Variants in OR1F1 observed in about 807,000 individuals in gnomAD.
OR1F1 encodes olfactory receptor 1F1.
For synonymous variants in OR1F1, 184 were observed against 156.7 expected (o/e 1.17, Z -1.30); for missense variants, 493 against 376.3 (o/e 1.31, Z -2.57).
chr16:3,198,161 G>GAGAGAGAGAC, the OR1F1 span, among the ~76,000 whole-genome samples: 2 of 140,598 alleles, frequency 1.4e-5, no homozygotes, highest in Non-Finnish European at 3.2e-5. Context: ...GAGAGAGGGA[G>GAGAGAGAGAC]AGAGAGAGAC....
the OR1F1 span, among the ~76,000 whole-genome samples, chr16:3,192,986 G>A: frequency 6.6e-6 from 1 of 152,188 alleles, no homozygotes; most frequent in Non-Finnish European, 1.5e-5. Context: ...GCCCAGGCTG[G>A]AATGCAGTGG....
chr16:3,202,374 G>T (rs974731700), upstream of OR1F1, among the ~76,000 whole-genome samples: 1 of 152,084 alleles, frequency 6.6e-6, no homozygotes, highest in Non-Finnish European at 1.5e-5. Flanking sequence ...AAACACAAAG[G>T]CTTTGCAAGA....
chr16:3,195,450 C>T, the OR1F1 span, among the ~76,000 whole-genome samples: 3 of 151,876 alleles, frequency 2.0e-5, no homozygotes, highest in South Asian at 6.2e-4. Flanking sequence ...AGAGGCAAGG[C>T]CGGGAGATTA....
the OR1F1 span, among the ~76,000 whole-genome samples, chr16:3,193,768 T>G: frequency 9.2e-5 from 14 of 152,194 alleles, no homozygotes; most frequent in Non-Finnish European, 1.9e-4. Context: ...CGGCTAATTT[T>G]AAAATTTTTG....
chr16:3,198,177 G>C, the OR1F1 span, among the ~76,000 whole-genome samples: 2 of 151,518 alleles, frequency 1.3e-5, no homozygotes, highest in South Asian at 4.2e-4. Context: ...GAGACAGAGA[G>C]AGAGATTATA....
chr16:3,189,059 C>T, the OR1F1 span, among the ~76,000 whole-genome samples: 1 of 152,186 alleles, frequency 6.6e-6, no homozygotes, highest in Admixed American at 6.5e-5. Context: ...CAGCGTCAGC[C>T]TTTAGGGTTC....
chr16:3,204,619 G>A lies in OR1F1; in HGVS notation c.373G>A (p.Ala125Thr), dbSNP rs546950482. Residue 125 changes from alanine (A) to threonine (T), a missense_variant, in exon 1 of 1, where the codon GCC becomes ACC. Transcript: ENST00000304646. ...TGTGATGGCCTATGACCACTTTGTC[G>A]CCGTGTGCCACCCCTTACATTACAC... 2.8e-5 allele frequency: 46 copies of A among 1,614,058 alleles called. No individual in the cohort carries two copies. Among genetic ancestry groups the A allele is most frequent in the East Asian group, 1.8e-4 (8 of 44,880 alleles).
chr16:3,199,833 T>C (rs951844601), upstream of OR1F1, among the ~76,000 whole-genome samples: 3 of 151,724 alleles, frequency 2.0e-5, no homozygotes, highest in Non-Finnish European at 4.4e-5. Flanking sequence ...CTGACCAACA[T>C]GGAGAAACCC....
downstream of OR1F1, chr16:3,205,249 C>A: frequency 1.7e-6 from 2 of 1,160,668 alleles, no homozygotes; most frequent in Non-Finnish European, 2.5e-6. Flanking sequence ...GAGTTTAATG[C>A]AGTAGTTGTT....
chr16:3,206,179 G>C (rs1299680476), downstream of OR1F1, among the ~76,000 whole-genome samples: 2 of 152,126 alleles, frequency 1.3e-5, no homozygotes, highest in African/African-American at 4.8e-5. Context: ...AATATGCCCT[G>C]GTCTCCTGCA....
chr16:3,193,633 C>A, the OR1F1 span, among the ~76,000 whole-genome samples: 1 of 151,372 alleles, frequency 6.6e-6, no homozygotes, highest in Non-Finnish European at 1.5e-5. Flanking sequence ...ATCTCACTCC[C>A]GTCGCCCAGG....
the OR1F1 span, among the ~76,000 whole-genome samples, chr16:3,196,211 G>A: frequency 6.6e-6 from 1 of 152,220 alleles, no homozygotes; most frequent in Admixed American, 6.5e-5. Context: ...GTGGGTTTGA[G>A]CCCTGTGTTG....
the OR1F1 span, among the ~76,000 whole-genome samples, chr16:3,196,095 C>G: frequency 6.6e-6 from 1 of 152,242 alleles, no homozygotes. Flanking sequence ...CTGATTCATC[C>G]TCACGTTCAT....
rs146200498 is a variant in OR1F1 at position 3,204,671 on chromosome 16, C to A, written c.425C>A (p.Ala142Asp). Residue 142 changes from alanine to aspartate, a missense_variant, in exon 1 of 1, where the codon GCC becomes GAC. Transcript: ENST00000304646. Reference sequence around the variant, plus strand: ...GCAAAGATGACCCATCAGCTCTGTGCCCTGCTGGTTGCTGGATTATGGGTG... The same window carrying A: ...GCAAAGATGACCCATCAGCTCTGTGACCTGCTGGTTGCTGGATTATGGGTG... The A allele has an allele frequency of 2.0e-5, 33 of 1,614,060 alleles. No homozygotes were observed. The African/African-American group carries it at 2.1e-4, about 10-fold the overall frequency.
At chr16:3,188,823 G>C in the OR1F1 span, among the ~76,000 whole-genome samples, 1 of 152,310 alleles carries the variant, frequency 6.6e-6, no homozygotes. Flanking sequence ...GATGCCCGAC[G>C]CCTGCTGCCC....
rs867836171 is a variant in OR1F1 at position 3,204,833 on chromosome 16, AG to A, written c.589del (p.Val197SerfsTer2). 8 of 1,613,962 alleles carry A rather than the reference AG, an allele frequency of 5.0e-6. No individual in the cohort carries two copies. Among genetic ancestry groups the A allele is most frequent in the African/African-American group, 1.3e-5 (1 of 74,892 alleles). ...TCCTGCTCAGACACACACCTCAATG[AG>A]GTCATAATCCTTAGTGAGGGTGCCC... On this transcript the variant is annotated frameshift_variant, in exon 1 of 1. Transcript: ENST00000304646. LOFTEE classifies it low-confidence loss of function (END_TRUNC).
the OR1F1 span, among the ~76,000 whole-genome samples, chr16:3,194,817 C>T: frequency 1.2e-4 from 19 of 152,156 alleles, no homozygotes; most frequent in African/African-American, 4.6e-4. Context: ...TGATTTAGGT[C>T]TCGCTATGTT....
rs1241339663 is a variant in OR1F1 at position 3,204,482 on chromosome 16, C to T, written c.236C>T (p.Pro79Leu). ...ATCTGCTTCTCCTTCACCACCGTCC[C>T]CAAGATGCTGGCCAATCACATACTC... Residue 79 changes from proline to leucine, a missense_variant, in exon 1 of 1, where the codon CCC becomes CTC. Physicochemically the swap from Pro to Leu is moderately conservative, Grantham distance 98 (BLOSUM62 -3). Transcript: ENST00000304646. 5 of 1,614,024 alleles carry T rather than the reference C, an allele frequency of 3.1e-6. No individual in the cohort carries two copies. In the African/African-American group the frequency reaches 4.0e-5, roughly 13 times the overall value.
chr16:3,192,133 T>C, the OR1F1 span, among the ~76,000 whole-genome samples: 2 of 152,276 alleles, frequency 1.3e-5, no homozygotes, highest in South Asian at 4.1e-4. Context: ...CTCAACTCGG[T>C]TGAAGCTCCT....
Sources: allele counts gnomAD v4.1 joint callset (sites outside exome capture counted in the v4.1 genomes callset), GRCh38; gene constraint gnomAD v4.1.1; transcripts MANE v1.5; gene names NCBI Gene and HGNC (gene_info 2026-07-23, HGNC 2026-07-21).